Variants in VDAC3 observed in about 807,000 individuals in gnomAD.
VDAC3 encodes voltage dependent anion channel 3, also known as non-selective voltage-gated ion channel VDAC3.
Under a neutral mutation model 33.9 loss-of-function variants are expected in VDAC3, and 7 were observed. The observed-to-expected ratio is 0.21, with a 90% CI of 0.12 to 0.39. VDAC3 has a LOEUF of 0.39. Among genes scored for constraint, VDAC3 ranks in the 10% least tolerant of loss-of-function variants. VDAC3 has a pLI of 1.00. For synonymous variants in VDAC3, 100 were observed against 122.4 expected (o/e 0.82, Z 1.21); for missense variants, 261 against 334.5 (o/e 0.78, Z 1.71).
intron 7 of VDAC3, 74 bp downstream of exon 7, chr8:42,402,089 G>A: frequency 2.8e-6 from 4 of 1,425,554 alleles, no homozygotes; most frequent in Non-Finnish European, 3.9e-6. Flanking sequence ...ATGCTGAGAA[G>A]TGATGGTACT....
intron 5 of VDAC3, 125 bp downstream of exon 5, chr8:42,398,989 A>G (rs1802368779): frequency 9.0e-7 from 1 of 1,111,020 alleles, no homozygotes; most frequent in Non-Finnish European, 1.2e-6. Context: ...TTTTCTCTGC[A>G]TGTGGCCTTT....
intron 4 of VDAC3, 71 bp downstream of exon 4, chr8:42,395,204 G>T: frequency 6.3e-7 from 1 of 1,593,170 alleles, no homozygotes; most frequent in South Asian, 1.1e-5. Context: ...AATCATGACA[G>T]TCTAGTTACT....
chr8:42,399,410 T>C (rs112618720), intron 5 of VDAC3: 29 of 373,044 alleles, frequency 7.8e-5, no homozygotes, highest in Non-Finnish European at 1.3e-4. Context: ...GGTTTTGAAC[T>C]GTATTTTATG....
At chr8:42,392,372 A>G (rs1824884770) in intron 1 of VDAC3, among the ~76,000 whole-genome samples, 2 of 152,030 alleles carry the variant, frequency 1.3e-5, no homozygotes, top group Non-Finnish European at 2.9e-5. Context: ...TGGCTTTGTA[A>G]AGCAGTAGCA....
chr8:42,402,801 CTG>C (rs1336052882), intron 7 of VDAC3, among the ~76,000 whole-genome samples: 1 of 152,198 alleles, frequency 6.6e-6, no homozygotes, highest in Non-Finnish European at 1.5e-5. Flanking sequence ...GGACTCACCT[CTG>C]GCATGCTTGG....
At position 42,398,826 on chromosome 8, in the gene VDAC3, G is replaced by A; in HGVS notation, c.232G>A (p.Asp78Asn). Residue 78 changes from aspartate to asparagine, a missense_variant, in exon 5 of 10, where the codon GAC becomes AAC. Coordinates refer to ENST00000022615, the MANE Select transcript of VDAC3 (RefSeq NM_005662.7). Reference protein sequence around the residue: ...GLTFTQKWNTDNTLGTEISWE... With the variant: ...GLTFTQKWNTNNTLGTEISWE... ...TACCTTCACCCAGAAATGGAACACA[G>A]ACAATACTCTAGGGACAGAAATCTC... The A allele has an allele frequency of 1.9e-6, 3 of 1,613,956 alleles. No individual in the cohort carries two copies. Among genetic ancestry groups the A allele is most frequent in the Non-Finnish European group, 2.5e-6 (3 of 1,179,968 alleles).
intron 4 of VDAC3, among the ~76,000 whole-genome samples, chr8:42,395,916 G>A (rs59024002): frequency 1.4e-5 from 2 of 144,532 alleles, no homozygotes; most frequent in African/African-American, 5.2e-5. Context: ...CCGAGACCAA[G>A]CCATTGCACT....
chr8:42,394,951 T>C (rs1802279370), intron 3 of VDAC3, 133 bp from the exon 4 acceptor site: 1 of 959,268 alleles, frequency 1.0e-6, no homozygotes, highest in East Asian at 2.6e-5. Flanking sequence ...CTTGAGGAAC[T>C]CTCACCCAAT....
chr8:42,396,602 G>C (rs1802321847), intron 4 of VDAC3: 13 of 679,608 alleles, frequency 1.9e-5, no homozygotes, highest in Non-Finnish European at 3.2e-5. Context: ...TTGCTCATTA[G>C]GTTTGTGTTG....
intron 6 of VDAC3, among the ~76,000 whole-genome samples, chr8:42,400,255 A>G (rs959391931): frequency 6.6e-5 from 10 of 151,698 alleles, no homozygotes; most frequent in Middle Eastern, 3.4e-3. Context: ...GGAGAATGGC[A>G]TGAACCCAGG....
intron 3 of VDAC3, among the ~76,000 whole-genome samples, chr8:42,394,761 A>G (rs1802275614): frequency 6.6e-6 from 1 of 152,196 alleles, no homozygotes; most frequent in Admixed American, 6.5e-5. Flanking sequence ...TTAACTAGTA[A>G]TGTTAACTAT....
At chr8:42,404,657 G>A (rs1429104851) in intron 8 of VDAC3, among the ~76,000 whole-genome samples, 1 of 151,130 alleles carries the variant, frequency 6.6e-6, no homozygotes, top group East Asian at 1.9e-4. Context: ...GGGAAGCGGA[G>A]GTTGCAGTGA....
At chr8:42,393,694 A>G (rs570921544) in intron 1 of VDAC3, 151 bp from the exon 2 acceptor site, 7 of 384,448 alleles carry the variant, frequency 1.8e-5, no homozygotes, top group Non-Finnish European at 2.3e-5. Context: ...GAGCTTTGAG[A>G]GAAGATATAT....
At chr8:42,392,076 C>A (rs1415949763) in intron 1 of VDAC3, 148 bp downstream of exon 1, 2 of 152,182 alleles carry the variant, frequency 1.3e-5, no homozygotes, top group Non-Finnish European at 2.9e-5. Flanking sequence ...CCGCTCGCTC[C>A]CGCCGGGACC....
intron 8 of VDAC3, among the ~76,000 whole-genome samples, chr8:42,404,441 C>T (rs1002529553): frequency 3.3e-5 from 5 of 151,984 alleles, no homozygotes; most frequent in African/African-American, 4.8e-5. Flanking sequence ...TCAGTAATTC[C>T]GGCTGGGCAC....
chr8:42,398,072 A>G (rs1311143741), intron 4 of VDAC3, among the ~76,000 whole-genome samples: 2 of 152,264 alleles, frequency 1.3e-5, no homozygotes, highest in Non-Finnish European at 2.9e-5. Context: ...CATATAGCAG[A>G]GAACTGATAA....
In VDAC3 at chr8:42,405,262, C is replaced by G. The variant is rs1422699836; in HGVS notation, c.761-109C>G. ...GAGTAATAGCTGTTTGCTTATAGCTCGTATACCCAGCTACAATCCACACCA... is the reference window on the plus strand; with the variant it reads ...GAGTAATAGCTGTTTGCTTATAGCTGGTATACCCAGCTACAATCCACACCA... On this transcript the variant is annotated intron_variant, in intron 9 of 9. Coordinates refer to ENST00000022615, the MANE Select transcript of VDAC3 (RefSeq NM_005662.7). The G allele has an allele frequency of 5.9e-6, 5 of 847,414 alleles. No individual in the cohort carries two copies. The East Asian group carries it at 1.3e-4, about 22-fold the overall frequency. 52.5% of individuals were successfully genotyped at this position (847,414 alleles called of 1,614,324 possible). A position where few individuals can be genotyped will look rare whatever the true frequency, so the allele number is the denominator to read the frequency against.
At chr8:42,404,257 G>C (rs1802464571) in intron 8 of VDAC3, among the ~76,000 whole-genome samples, 1 of 152,144 alleles carries the variant, frequency 6.6e-6, no homozygotes, top group Admixed American at 6.6e-5. Context: ...ATTGAACCTA[G>C]GTCTGTTTTT....
Position 42,398,771 on chromosome 8 carries a change from A to C in VDAC3, c.177A>C (p.Glu59Asp). Residue 59 changes from glutamate (E) to aspartate (D), a missense_variant, in exon 5 of 10, where the codon GAA becomes GAC. Transcript: ENST00000022615. ...TDTGKASGNL[E>D]TKYKVCNYGL... ...CAGGGAAAGCATCAGGCAACCTAGA[A>C]ACCAAATATAAGGTCTGTAACTATG... The C allele has an allele frequency of 6.2e-7, 1 of 1,614,038 alleles. No homozygotes were observed. The highest frequency in any genetic ancestry group is 8.5e-7 in the Non-Finnish European group (1 of 1,180,004).
Sources: allele counts gnomAD v4.1 joint callset (sites outside exome capture counted in the v4.1 genomes callset), GRCh38; gene constraint gnomAD v4.1.1; transcripts MANE v1.5; gene names NCBI Gene and HGNC (gene_info 2026-07-23, HGNC 2026-07-21).